Variants in CHN2 observed in about 807,000 individuals in gnomAD.
The protein encoded by CHN2 is chimerin 2.
CHN2 carries 35 observed loss-of-function variants against 56.3 expected under a neutral mutation model. That is an observed-to-expected ratio of 0.62 (90% CI 0.47 to 0.82). CHN2 has a LOEUF of 0.82. Among genes scored for constraint, CHN2 ranks in the 40% least tolerant of loss-of-function variants. CHN2 has a pLI of 0.00. For synonymous variants in CHN2, 210 were observed against 212.8 expected (o/e 0.99, Z 0.12); for missense variants, 491 against 580.5 (o/e 0.85, Z 1.58).
At chr7:29,244,947 G>T (rs1787956532) in intron 1 of CHN2, among the ~76,000 whole-genome samples, 2 of 152,134 alleles carry the variant, frequency 1.3e-5, no homozygotes, top group South Asian at 4.1e-4. Flanking sequence ...CTCCCAGTGT[G>T]ACCTTACACT....
chr7:29,185,263 G>C (rs1798568275), intron 2 of CHN2, among the ~76,000 whole-genome samples: 1 of 152,182 alleles, frequency 6.6e-6, no homozygotes, highest in South Asian at 2.1e-4. Flanking sequence ...TTGTGGGAGT[G>C]ACCCTAAGTG....
chr7:29,250,165 G>A (rs1023287444), intron 1 of CHN2, among the ~76,000 whole-genome samples: 1 of 152,138 alleles, frequency 6.6e-6, no homozygotes, highest in Admixed American at 6.5e-5. Flanking sequence ...GCACTCCCTG[G>A]GATGAAAGAA....
chr7:29,403,057 G>A (rs1267117154), intron 6 of CHN2, among the ~76,000 whole-genome samples: 1 of 151,984 alleles, frequency 6.6e-6, no homozygotes, highest in Non-Finnish European at 1.5e-5. Context: ...GATTTTCTTG[G>A]ACACTAATGA....
chr7:29,273,388 T>G (rs1364624142), intron 1 of CHN2, among the ~76,000 whole-genome samples: 1 of 41,920 alleles, frequency 2.4e-5, no homozygotes, highest in Non-Finnish European at 4.2e-5. Flanking sequence ...TATATATATA[T>G]ACACACACCA....
intron 1 of CHN2, among the ~76,000 whole-genome samples, chr7:29,343,962 CT>C (rs1441049199): frequency 2.0e-5 from 3 of 152,344 alleles, no homozygotes; most frequent in Middle Eastern, 3.4e-3. Flanking sequence ...GCCAGGCCTG[CT>C]TCTCCCCTGG....
chr7:29,459,036 AC>A (rs1411054345), intron 6 of CHN2, among the ~76,000 whole-genome samples: 4 of 152,174 alleles, frequency 2.6e-5, no homozygotes, highest in Non-Finnish European at 5.9e-5. Context: ...ATTAAGTTAC[AC>A]TAAACTAGCA....
chr7:29,206,550 G>A (rs1246798360), intron 1 of CHN2, among the ~76,000 whole-genome samples: 1 of 152,158 alleles, frequency 6.6e-6, no homozygotes, highest in African/African-American at 2.4e-5. Flanking sequence ...AGAGTGCTGG[G>A]ATTACAAGTG....
intron 1 of CHN2, among the ~76,000 whole-genome samples, chr7:29,307,620 G>C (rs935504192): frequency 6.6e-6 from 1 of 152,200 alleles, no homozygotes. Flanking sequence ...AGGCAAAGTA[G>C]AGTGTGAGAG....
intron 1 of CHN2, among the ~76,000 whole-genome samples, chr7:29,203,195 G>A (rs1213265887): frequency 6.6e-6 from 1 of 152,118 alleles, no homozygotes; most frequent in East Asian, 1.9e-4. Flanking sequence ...GGCCTGGCAC[G>A]GTGGCTCACG....
chr7:29,154,685 A>G (rs1242585365), intron 2 of CHN2, among the ~76,000 whole-genome samples: 6 of 152,072 alleles, frequency 3.9e-5, no homozygotes, highest in African/African-American at 7.2e-5. Context: ...AATAAAAAAA[A>G]TTAGCCAGGT....
intron 6 of CHN2, among the ~76,000 whole-genome samples, chr7:29,412,472 C>T (rs533953533): frequency 2.6e-5 from 4 of 152,002 alleles, no homozygotes; most frequent in East Asian, 1.9e-4. Context: ...GCTGAGACTA[C>T]GGGCTCACAC....
chr7:29,377,675 C>G (rs2128053399), intron 3 of CHN2, among the ~76,000 whole-genome samples: 1 of 152,332 alleles, frequency 6.6e-6, no homozygotes, highest in Non-Finnish European at 1.5e-5. Context: ...ACCTCCTTGC[C>G]TCAGTCTACC....
At chr7:29,276,448 G>A (rs1176894875) in intron 1 of CHN2, among the ~76,000 whole-genome samples, 1 of 152,146 alleles carries the variant, frequency 6.6e-6, no homozygotes, top group Non-Finnish European at 1.5e-5. Context: ...GGCATCACTG[G>A]CTCTCTCTGC....
chr7:29,296,228 C>A (rs550995369), intron 1 of CHN2, among the ~76,000 whole-genome samples: 1 of 152,018 alleles, frequency 6.6e-6, no homozygotes, highest in South Asian at 2.1e-4. Context: ...GGATTACAGG[C>A]GCCCACCACC....
At chr7:29,349,625 A>G (rs10255170) in intron 1 of CHN2, among the ~76,000 whole-genome samples, 34,133 of 152,160 alleles carry the variant, frequency 0.22, 4,524 homozygotes, top group Non-Finnish European at 0.3. Flanking sequence ...CATGTGTTCA[A>G]TTACTACCTT....
intron 2 of CHN2, among the ~76,000 whole-genome samples, chr7:29,161,036 C>T (rs1435489820): frequency 2.6e-5 from 4 of 152,088 alleles, no homozygotes; most frequent in African/African-American, 9.7e-5. Context: ...TTCTTTTCAA[C>T]TCTATAAACT....
rs144452358 is a variant in CHN2 at position 29,389,172 on chromosome 7, G to A, written c.145-4507G>A. 3.3e-3 allele frequency among the ~76,000 whole-genome samples: 499 copies of A among 152,114 alleles called. 7 individuals are homozygous for A. Among genetic ancestry groups the A allele is most frequent in the African/African-American group, 0.011 (458 of 41,492 alleles). ...TTCTAATATTCCCGTTGCTCAGAGC[G>A]TGCTGGGAACGTCTCTTCTAAAATT... On this transcript the variant is annotated intron_variant, in intron 3 of 12. Transcript: ENST00000222792.
chr7:29,434,245 G>A (rs371053532), intron 6 of CHN2, among the ~76,000 whole-genome samples: 3 of 152,110 alleles, frequency 2.0e-5, no homozygotes, highest in African/African-American at 4.8e-5. Flanking sequence ...ATTATAACTC[G>A]TCTGCATCCC....
intron 2 of CHN2, among the ~76,000 whole-genome samples, chr7:29,358,613 C>A (rs950940687): frequency 3.9e-5 from 6 of 152,074 alleles, no homozygotes; most frequent in Admixed American, 6.6e-5. Context: ...CAGGCACCCG[C>A]CACTGCGCCC....
Sources: allele counts gnomAD v4.1 joint callset (sites outside exome capture counted in the v4.1 genomes callset), GRCh38; gene constraint gnomAD v4.1.1; transcripts MANE v1.5; gene names NCBI Gene and HGNC (gene_info 2026-07-23, HGNC 2026-07-21).